Variants in P2RY8 observed in about 807,000 individuals in gnomAD.
P2RY8 encodes the protein S-geranylgeranyl-glutathione receptor P2RY8.
P2RY8 carries 6 observed loss-of-function variants against 10.0 expected under a neutral mutation model. The ratio of observed to expected loss-of-function variants is 0.60; its 90% CI spans 0.33 to 1.19. P2RY8 has a LOEUF of 1.19. Among genes scored for constraint, P2RY8 ranks in the 50% most tolerant of loss-of-function variants. The pLI, the probability that P2RY8 is intolerant of heterozygous loss-of-function variation, is 0.04. For missense variants in P2RY8, 456 were observed against 542.0 expected (o/e 0.84, Z 1.58); for synonymous variants, 276 against 252.5 (o/e 1.09, Z -0.88).
In P2RY8 at chrX:1,465,650, G is replaced by A; in HGVS notation, c.909C>T (p.Arg303=). The change falls in exon 2 of 2, where the codon CGC becomes CGT. Residue 303 remains arginine, a synonymous_variant. Transcript: ENST00000381297. The part of the protein sequence containing the change: ...YYFASREFQL[R]LREYLGCRRV... ...GGCGGCAGCCCAAATATTCCCGCAG[G>A]CGCAGCTGGAATTCCCGGGACGCAA... 1 of 1,613,514 alleles carries A rather than the reference G, an allele frequency of 6.2e-7. No individual in the cohort carries two copies. The highest frequency in any genetic ancestry group is 8.5e-7 in the Non-Finnish European group (1 of 1,179,834).
At chrX:1,509,097 A>C (rs1216945158) in intron 1 of P2RY8, among the ~76,000 whole-genome samples, 2 of 126,578 alleles carry the variant, frequency 1.6e-5, no homozygotes, top group African/African-American at 5.5e-5. Context: ...CTATGTATCT[A>C]TGTATCTATC....
intron 1 of P2RY8, among the ~76,000 whole-genome samples, chrX:1,535,244 G>A (rs2149419210): frequency 7.1e-6 from 1 of 140,082 alleles, no homozygotes; most frequent in Non-Finnish European, 1.5e-5. Flanking sequence ...CTGGAGTGCA[G>A]TGGCGCGATC....
chrX:1,501,223 G>A (rs2092175698), intron 1 of P2RY8, among the ~76,000 whole-genome samples: 1 of 152,168 alleles, frequency 6.6e-6, no homozygotes, highest in Non-Finnish European at 1.5e-5. Flanking sequence ...GCTTACATCT[G>A]AATGTTTTCG....
chrX:1,469,682 G>C (rs1392476623), intron 1 of P2RY8, among the ~76,000 whole-genome samples: 3 of 151,698 alleles, frequency 2.0e-5, no homozygotes, highest in Non-Finnish European at 4.4e-5. Context: ...ACGAGGTCAG[G>C]AGATCAAGAC....
In P2RY8 at chrX:1,466,188, C is replaced by G. The variant is rs757095588; in HGVS notation, c.371G>C (p.Gly124Ala). The G allele has an allele frequency of 2.5e-6, 4 of 1,612,774 alleles. No homozygotes were observed. The highest frequency in any genetic ancestry group is 2.2e-5 in the East Asian group (1 of 44,830). ...CTTGGAGCTGAGCGGGTACAGGACC[C>G]CCAGGAAGCGCTCCACGCTGATACA... ...MTCISVERFLGVLYPLSSKRW... is the reference protein window; with the variant it reads ...MTCISVERFLAVLYPLSSKRW... Residue 124 changes from glycine to alanine, a missense_variant, in exon 2 of 2, where the codon GGG (glycine) becomes GCG (alanine). Coordinates refer to ENST00000381297, the MANE Select transcript of P2RY8 (RefSeq NM_178129.5).
intron 1 of P2RY8, among the ~76,000 whole-genome samples, chrX:1,496,303 A>G (rs5989762): frequency 0.94 from 143,761 of 152,170 alleles, 68,464 homozygotes; most frequent in Middle Eastern, 1. Context: ...CTCCCCCGCC[A>G]GCTTCTCAGT....
chrX:1,511,794 C>T (rs1325187986), intron 1 of P2RY8, among the ~76,000 whole-genome samples: 2 of 152,140 alleles, frequency 1.3e-5, no homozygotes, highest in East Asian at 1.9e-4. Flanking sequence ...GCTCCAGACA[C>T]GATTCTCTTA....
chrX:1,513,535 T>C (rs1289741202), intron 1 of P2RY8, among the ~76,000 whole-genome samples: 2 of 150,752 alleles, frequency 1.3e-5, no homozygotes, highest in Admixed American at 1.3e-4. Flanking sequence ...TCTGTGTCTG[T>C]GTCTCCTCTT....
intron 1 of P2RY8, among the ~76,000 whole-genome samples, chrX:1,484,928 A>G (rs2091973616): frequency 6.6e-6 from 1 of 151,310 alleles, no homozygotes; most frequent in African/African-American, 2.4e-5. Context: ...GGAGACAAAT[A>G]AAGACAGGTG....
chrX:1,466,259 G>T lies in P2RY8; in HGVS notation c.300C>A (p.Thr100=). 4 of 1,613,848 alleles carry T rather than the reference G, an allele frequency of 2.5e-6. No individual in the cohort carries two copies. Among genetic ancestry groups the T allele is most frequent in the Non-Finnish European group, 3.4e-6 (4 of 1,179,838 alleles). Residue 100 remains threonine (T), a synonymous_variant, in exon 2 of 2, where the codon ACC becomes ACA. Transcript: ENST00000381297. The part of the protein sequence containing the change: ...VFGVLLCNVV[T]VAFYANMYSS... ...AATACATGTTTGCGTAAAAGGCCAC[G>T]GTCACCACGTTGCAAAGCAGCACCC...
intron 1 of P2RY8, among the ~76,000 whole-genome samples, chrX:1,516,219 A>C (rs865892089): frequency 4.1e-5 from 6 of 145,328 alleles, no homozygotes; most frequent in African/African-American, 1.3e-4. Flanking sequence ...ACAACAACAA[A>C]AAAAAAACAG....
chrX:1,531,068 G>GTCTATCTATCTA (rs1231360384), intron 1 of P2RY8, among the ~76,000 whole-genome samples: 23,575 of 149,778 alleles, frequency 0.16, 1,918 homozygotes, highest in Middle Eastern at 0.32. Context: ...CTGTCTGTCT[G>GTCTATCTATCTA]TCTATCTATC....
rs1266153641 is a variant in P2RY8 at position 1,508,405 on chromosome X, C to T, written c.-25+28516G>A. Among the ~76,000 whole-genome samples the T allele has an allele frequency of 7.2e-5, 11 of 152,264 alleles. No individual in the cohort carries two copies. In the East Asian group the frequency reaches 1.4e-3, roughly 19 times the overall value. On this transcript the variant is annotated intron_variant, in intron 1 of 1. Transcript: ENST00000381297. ...ACACCGTTCAACACACTACACTGCA[C>T]GGGACGGCCCTGCCACAGAGTGTCA...
At chrX:1,481,605 AGG>A (rs2091936410) in intron 1 of P2RY8, among the ~76,000 whole-genome samples, 5 of 151,756 alleles carry the variant, frequency 3.3e-5, no homozygotes, top group Non-Finnish European at 7.4e-5. Flanking sequence ...CTTTGGGATT[AGG>A]AGAGTCCAGC....
intron 1 of P2RY8, among the ~76,000 whole-genome samples, chrX:1,512,072 CG>C (rs376756253): frequency 1.3e-5 from 2 of 151,866 alleles, no homozygotes; most frequent in Non-Finnish European, 2.9e-5. Flanking sequence ...CCCAGGCTGG[CG>C]GGGGGGTCTC....
intron 1 of P2RY8, among the ~76,000 whole-genome samples, chrX:1,505,213 C>G (rs1364525419): frequency 6.6e-6 from 1 of 151,792 alleles, no homozygotes; most frequent in Non-Finnish European, 1.5e-5. Flanking sequence ...TCTCAGAGGA[C>G]CTGAGCTGGG....
At chrX:1,530,970 T>G (rs1365315944) in intron 1 of P2RY8, among the ~76,000 whole-genome samples, 1 of 152,058 alleles carries the variant, frequency 6.6e-6, no homozygotes, top group South Asian at 2.1e-4. Flanking sequence ...TATCCATGTA[T>G]GTATGTATGT....
At chrX:1,535,700 CACACACACACACACAGACACACACACAG>C (rs1319488278) in intron 1 of P2RY8, among the ~76,000 whole-genome samples, 8 of 91,824 alleles carry the variant, frequency 8.7e-5, no homozygotes, top group South Asian at 8.4e-4. Context: ...CAACCACACA[CACACACACACACACAGACACACACACAG>C]ACACACACAC....
At chrX:1,490,736 G>T (rs1376888847) in intron 1 of P2RY8, among the ~76,000 whole-genome samples, 18 of 149,702 alleles carry the variant, frequency 1.2e-4, no homozygotes, top group African/African-American at 4.2e-4. Flanking sequence ...CCCCACAAAT[G>T]TGGGGGGAAT....
Sources: allele counts gnomAD v4.1 joint callset (sites outside exome capture counted in the v4.1 genomes callset), GRCh38; gene constraint gnomAD v4.1.1; transcripts MANE v1.5; gene names NCBI Gene and HGNC (gene_info 2026-07-23, HGNC 2026-07-21).